NFATC1: variants seen among roughly 807,000 people sequenced by gnomAD.
NFATC1 encodes the protein nuclear factor of activated T-cells, cytoplasmic 1.
A neutral mutation model predicts 76.0 loss-of-function variants in NFATC1; 22 were observed. The observed-to-expected ratio is 0.29, with a 90% confidence interval of 0.21 to 0.41. The LOEUF is 0.41. Ranked by LOEUF, NFATC1 falls within the 10% of genes least tolerant of loss-of-function variation. The pLI, the probability that NFATC1 is intolerant of heterozygous loss-of-function variation, is 1.00. For synonymous variants in NFATC1, 704 were observed against 613.1 expected, an observed-to-expected ratio of 1.15 and a Z score of -2.19; for missense variants, 1,357 against 1,337.7, an observed-to-expected ratio of 1.01 and a Z score of -0.23.
chr18:79,452,451 G>C (rs570356151), intron 6 of NFATC1, among the ~76,000 whole-genome samples: 1 of 152,184 alleles, frequency 6.6e-6, no homozygotes, highest in African/African-American at 2.4e-5. Context: ...TCCTGGGGCC[G>C]TCACGCCTGT....
intron 1 of NFATC1, among the ~76,000 whole-genome samples, chr18:79,408,526 G>C (rs1164384744): frequency 6.6e-6 from 1 of 152,230 alleles, no homozygotes; most frequent in Non-Finnish European, 1.5e-5. Context: ...AGAATCTTCT[G>C]TTTTGTTCTA....
At chr18:79,445,323 G>A (rs1273766579) in intron 3 of NFATC1, among the ~76,000 whole-genome samples, 1 of 152,200 alleles carries the variant, frequency 6.6e-6, no homozygotes, top group Non-Finnish European at 1.5e-5. Flanking sequence ...ATCCTGGCCA[G>A]GCCCCTGTAC....
At chr18:79,443,198 T>G (rs1600725679) in intron 3 of NFATC1, among the ~76,000 whole-genome samples, 1 of 152,340 alleles carries the variant, frequency 6.6e-6, no homozygotes, top group East Asian at 1.9e-4. Flanking sequence ...AAAGCAACTG[T>G]GTTCACGGGA....
At chr18:79,426,534 A>C (rs1450299008) in intron 2 of NFATC1, among the ~76,000 whole-genome samples, 2 of 152,094 alleles carry the variant, frequency 1.3e-5, no homozygotes, top group African/African-American at 4.8e-5. Context: ...AGGTGTTTCC[A>C]TTTGACCTGT....
intron 9 of NFATC1, among the ~76,000 whole-genome samples, chr18:79,503,669 C>T (rs891557254): frequency 2.0e-5 from 3 of 152,120 alleles, no homozygotes; most frequent in East Asian, 3.9e-4. Context: ...CTGCATTAGC[C>T]CCTACCAAGG....
intron 2 of NFATC1, among the ~76,000 whole-genome samples, chr18:79,412,376 G>A (rs2085722195): frequency 1.3e-5 from 2 of 152,104 alleles, no homozygotes; most frequent in Non-Finnish European, 2.9e-5. Flanking sequence ...GTGTCCTCAG[G>A]AAGAGGCGTT....
chr18:79,507,198 C>A (rs894007928), intron 9 of NFATC1, among the ~76,000 whole-genome samples: 1 of 152,278 alleles, frequency 6.6e-6, no homozygotes, highest in Non-Finnish European at 1.5e-5. Flanking sequence ...CTATCAGGCC[C>A]TCCCAGCTGC....
intron 3 of NFATC1, among the ~76,000 whole-genome samples, chr18:79,445,276 C>A (rs1269516813): frequency 6.6e-6 from 1 of 152,228 alleles, no homozygotes; most frequent in Non-Finnish European, 1.5e-5. Context: ...CTCGTTCCTG[C>A]AGGAACACCT....
At position 79,524,065 on chromosome 18, in the gene NFATC1, C is replaced by T. The variant is rs2090683964; in HGVS notation, c.2783-3463C>T. ...GGGAAACCGTAGGTGTCATCGGCAA[C>T]CATACCCTACCCAAGGAAGCCGCCC... On this transcript the variant is annotated intron_variant, in intron 9 of 9. Transcript: ENST00000427363. This position sits in a 1 kb window ranked among gnomAD's most constrained non-coding sequence, Gnocchi z 7.2. 1 of 152,190 alleles carries T rather than the reference C, an allele frequency of 6.6e-6. No individual in the cohort carries two copies. 9.4% of individuals were successfully genotyped at this position (152,190 alleles called of 1,614,324 possible).
chr18:79,482,717 T>A (rs975007846), intron 8 of NFATC1, among the ~76,000 whole-genome samples: 1 of 128,090 alleles, frequency 7.8e-6, no homozygotes, highest in Non-Finnish European at 1.6e-5. Context: ...GGGGTGTAAT[T>A]CCAGCGTGAC....
chr18:79,477,929 C>A (rs1418431376), intron 8 of NFATC1, among the ~76,000 whole-genome samples: 1 of 152,142 alleles, frequency 6.6e-6, no homozygotes, highest in Non-Finnish European at 1.5e-5. Flanking sequence ...CATTGTTTAA[C>A]CCCCAGTTAC....
intron 3 of NFATC1, among the ~76,000 whole-genome samples, chr18:79,444,200 TGTGTGC>T (rs1345765789): frequency 2.6e-5 from 4 of 152,020 alleles, no homozygotes; most frequent in Non-Finnish European, 4.4e-5. Context: ...GTGGTGTGTG[TGTGTGC>T]GTGTGTGTGT....
At chr18:79,424,534 CCTGT>C (rs1344679768) in intron 2 of NFATC1, among the ~76,000 whole-genome samples, 3 of 141,638 alleles carry the variant, frequency 2.1e-5, no homozygotes, top group Non-Finnish European at 4.7e-5. Context: ...TCTCTGTCTC[CCTGT>C]CTCTCTCTCT....
At chr18:79,521,754 GTGTGTGTC>G (rs1189464660) in intron 9 of NFATC1, among the ~76,000 whole-genome samples, 1 of 63,492 alleles carries the variant, frequency 1.6e-5, no homozygotes, top group African/African-American at 6.7e-5. Context: ...ATCCACAGAT[GTGTGTGTC>G]TGTGTGTGTG....
chr18:79,446,846 C>T (rs931756353), intron 3 of NFATC1, among the ~76,000 whole-genome samples: 1 of 152,174 alleles, frequency 6.6e-6, no homozygotes, highest in African/African-American at 2.4e-5. Flanking sequence ...TGTCCTCATC[C>T]CTGTCTGTGG....
intron 2 of NFATC1, among the ~76,000 whole-genome samples, chr18:79,413,676 A>AC (rs2085777044): frequency 6.6e-6 from 1 of 152,250 alleles, no homozygotes; most frequent in Non-Finnish European, 1.5e-5. Flanking sequence ...TTACTGTCGC[A>AC]GTAAAAATGG....
intron 1 of NFATC1, chr18:79,400,354 C>G: frequency 7.2e-7 from 1 of 1,389,888 alleles, no homozygotes; most frequent in Non-Finnish European, 9.4e-7. Context: ...CTGGCGGCCG[C>G]GACCCCGGCT....
intron 3 of NFATC1, among the ~76,000 whole-genome samples, chr18:79,445,204 G>C (rs1351607583): frequency 1.3e-5 from 2 of 152,244 alleles, no homozygotes. Context: ...ACCGTGTGCT[G>C]TTGACTCATC....
At chr18:79,402,164 G>C (rs1220015164) in intron 1 of NFATC1, among the ~76,000 whole-genome samples, 6 of 152,134 alleles carry the variant, frequency 3.9e-5, no homozygotes, top group South Asian at 4.1e-4. Flanking sequence ...GACACCGCCG[G>C]CGGCGGCATC....
Sources: allele counts gnomAD v4.1 joint callset (sites outside exome capture counted in the v4.1 genomes callset), GRCh38; gene constraint gnomAD v4.1.1; non-coding constraint Gnocchi (gnomAD v3.1); transcripts MANE v1.5; gene names NCBI Gene and HGNC (gene_info 2026-07-23, HGNC 2026-07-21).